Variants in MLLT3 observed in about 807,000 individuals in gnomAD.
MLLT3 encodes MLLT3 super elongation complex subunit.
MLLT3 carries 4 observed loss-of-function variants against 53.2 expected under a neutral mutation model. The observed-to-expected ratio is 0.08, with a 90% CI of 0.04 to 0.17. MLLT3 has a LOEUF of 0.17. Among genes scored for constraint, MLLT3 ranks in the 10% least tolerant of loss-of-function variants. The pLI is 1.00. For missense variants in MLLT3, 569 were observed against 684.0 expected (o/e 0.83, Z 1.87); for synonymous variants, 283 against 230.6 (o/e 1.23, Z -2.06).
intron 2 of MLLT3, among the ~76,000 whole-genome samples, chr9:20,577,707 G>A (rs1430854075): frequency 6.6e-6 from 1 of 152,192 alleles, no homozygotes; most frequent in Non-Finnish European, 1.5e-5. Context: ...AATAAGCACT[G>A]TGGGGTGGGG....
chr9:20,587,532 G>A (rs1252341089), intron 2 of MLLT3, among the ~76,000 whole-genome samples: 1 of 150,332 alleles, frequency 6.7e-6, no homozygotes, highest in Non-Finnish European at 1.5e-5. Flanking sequence ...TAAGATAAAA[G>A]AAAAAAAAAT....
chr9:20,584,118 A>C (rs1160735890), intron 2 of MLLT3, among the ~76,000 whole-genome samples: 1 of 152,156 alleles, frequency 6.6e-6, no homozygotes, highest in East Asian at 1.9e-4. Context: ...ATCTCTCTCA[A>C]GTTCAAGGTT....
At chr9:20,482,134 C>T (rs1476791222) in intron 2 of MLLT3, among the ~76,000 whole-genome samples, 1 of 152,166 alleles carries the variant, frequency 6.6e-6, no homozygotes, top group African/African-American at 2.4e-5. Context: ...TTAGTCACTC[C>T]TGAATTTTGT....
At chr9:20,357,912 T>C (rs1349205030) in intron 8 of MLLT3, among the ~76,000 whole-genome samples, 1 of 151,606 alleles carries the variant, frequency 6.6e-6, no homozygotes, top group African/African-American at 2.4e-5. Flanking sequence ...TTATTAATCG[T>C]GAAAATTCAG....
chr9:20,374,393 T>C lies in MLLT3; in HGVS notation c.1126-8649A>G, dbSNP rs188292394. 8.9e-4 allele frequency among the ~76,000 whole-genome samples: 136 copies of C among 152,198 alleles called. 2 individuals are homozygous for C. Among genetic ancestry groups the C allele is most frequent in the African/African-American group, 3.0e-3 (124 of 41,552 alleles). Reference sequence around the variant, plus strand: ...GACAAGTCTCTGTCTCAAAATAAAATACATAACATCCATGCCAAACAATTG... The same window carrying C: ...GACAAGTCTCTGTCTCAAAATAAAACACATAACATCCATGCCAAACAATTG... On this transcript the variant is annotated intron_variant, in intron 5 of 10. Transcript: ENST00000380338.
chr9:20,590,500 G>GCA (rs1820101467), intron 2 of MLLT3, among the ~76,000 whole-genome samples: 2 of 152,138 alleles, frequency 1.3e-5, no homozygotes, highest in Non-Finnish European at 2.9e-5. Flanking sequence ...AAAGTGTGGC[G>GCA]CTTCACTTGT....
chr9:20,504,029 T>C (rs921442072), intron 2 of MLLT3, among the ~76,000 whole-genome samples: 1 of 152,118 alleles, frequency 6.6e-6, no homozygotes, highest in Non-Finnish European at 1.5e-5. Flanking sequence ...CTAGAATGGC[T>C]ATTATCGAAA....
intron 2 of MLLT3, among the ~76,000 whole-genome samples, chr9:20,582,803 T>C (rs1819831455): frequency 6.6e-6 from 1 of 152,176 alleles, no homozygotes; most frequent in African/African-American, 2.4e-5. Context: ...ATGATTCAAT[T>C]ACTTCCCCCT....
In MLLT3 at chr9:20,415,069, T is replaced by G. The variant is rs114064408; in HGVS notation, c.421-644A>C. Reference sequence around the variant, plus strand: ...CCCAGCTTCACATAGTAAGGTCAGATTACATTAAATTTCAAATGGCTTTGC... The same window carrying G: ...CCCAGCTTCACATAGTAAGGTCAGAGTACATTAAATTTCAAATGGCTTTGC... On this transcript the variant is annotated intron_variant, in intron 4 of 10. Transcript: ENST00000380338. Among the ~76,000 whole-genome samples the G allele has an allele frequency of 3.6e-3, 553 of 152,272 alleles. 4 individuals carry two copies. Among genetic ancestry groups the G allele is most frequent in the African/African-American group, 0.013 (537 of 41,550 alleles).
At chr9:20,494,782 T>G (rs1044600233) in intron 2 of MLLT3, among the ~76,000 whole-genome samples, 1 of 152,112 alleles carries the variant, frequency 6.6e-6, no homozygotes, top group Non-Finnish European at 1.5e-5. Flanking sequence ...TGGTCCTGAG[T>G]TTGTTATTTG....
At chr9:20,400,335 T>C (rs1012219720) in intron 5 of MLLT3, among the ~76,000 whole-genome samples, 1 of 152,144 alleles carries the variant, frequency 6.6e-6, no homozygotes, top group African/African-American at 2.4e-5. Flanking sequence ...TGTAATACTT[T>C]TACAAATTGC....
intron 2 of MLLT3, among the ~76,000 whole-genome samples, chr9:20,535,043 A>C (rs1431086820): frequency 2.0e-5 from 3 of 152,078 alleles, no homozygotes; most frequent in Admixed American, 6.6e-5. Context: ...GGGGTCCCCA[A>C]CTCCCAGGGC....
chr9:20,370,292 C>A (rs1398362191), intron 5 of MLLT3, among the ~76,000 whole-genome samples: 1 of 152,086 alleles, frequency 6.6e-6, no homozygotes, highest in African/African-American at 2.4e-5. Context: ...ATCTTTGATG[C>A]TACTATTGTA....
intron 10 of MLLT3, among the ~76,000 whole-genome samples, chr9:20,349,757 C>T (rs1014084446): frequency 6.6e-6 from 1 of 152,218 alleles, no homozygotes; most frequent in Admixed American, 6.5e-5. Flanking sequence ...TCCAGTACTT[C>T]CATCACCACC....
At position 20,621,106 on chromosome 9, in the gene MLLT3, G is replaced by C. The variant is rs958876198; in HGVS notation, c.13-272C>G. 3.4e-6 allele frequency: 2 copies of C among 584,842 alleles called. No individual in the cohort carries two copies. Among genetic ancestry groups the C allele is most frequent in the Admixed American group, 2.8e-5 (1 of 35,910 alleles). The allele number at this position is 584,842 out of a possible 1,614,324, so 36.2% of individuals were successfully genotyped here. A position where few individuals can be genotyped will look rare whatever the true frequency, so the allele number is the denominator to read the frequency against. On this transcript the variant is annotated intron_variant, in intron 1 of 10. Coordinates refer to ENST00000380338, the MANE Select transcript of MLLT3 (RefSeq NM_004529.4). This position sits in a 1 kb window ranked among gnomAD's most constrained non-coding sequence, Gnocchi z 7.0. Reference sequence around the variant, plus strand: ...GGAATGTTATCCCCAGTCGGGAAGGGGGTCGGGGAAAAGAGGGAGAACACA... The same window carrying C: ...GGAATGTTATCCCCAGTCGGGAAGGCGGTCGGGGAAAAGAGGGAGAACACA...
At chr9:20,505,797 A>C (rs1364223491) in intron 2 of MLLT3, among the ~76,000 whole-genome samples, 2 of 152,154 alleles carry the variant, frequency 1.3e-5, no homozygotes, top group Non-Finnish European at 1.5e-5. Context: ...CTTATGTTAC[A>C]GGTAAGCAGT....
At chr9:20,445,387 G>C (rs1283372898) in intron 4 of MLLT3, among the ~76,000 whole-genome samples, 2 of 152,012 alleles carry the variant, frequency 1.3e-5, no homozygotes, top group Non-Finnish European at 2.9e-5. Flanking sequence ...TTAGGAAATA[G>C]TATGACATTG....
At chr9:20,414,460 A>T in intron 4 of MLLT3, 35 bp from the exon 5 acceptor site, 1 of 1,600,868 alleles carries the variant, frequency 6.2e-7, no homozygotes, top group Non-Finnish European at 8.5e-7. Context: ...AAACTCCCAA[A>T]ACTAAATAGC....
intron 7 of MLLT3, 184 bp downstream of exon 7, chr9:20,363,292 A>T: frequency 1.7e-6 from 1 of 579,434 alleles, no homozygotes; most frequent in Non-Finnish European, 2.8e-6. Context: ...CCTCTTTCTG[A>T]GAAAAAGGAG....
Sources: gnomAD v4.1 joint callset for allele counts (sites outside exome capture counted in the v4.1 genomes callset) on GRCh38, gnomAD v4.1.1 for gene constraint, Gnocchi (gnomAD v3.1) non-coding constraint, MANE v1.5 for transcripts, NCBI Gene and HGNC (gene_info 2026-07-23, HGNC 2026-07-21) for gene names.